Variants in DSCAM observed in about 807,000 individuals in gnomAD.
The protein encoded by DSCAM is DS cell adhesion molecule.
Under a neutral mutation model 217.7 loss-of-function variants are expected in DSCAM, and 47 were observed. The ratio of observed to expected loss-of-function variants is 0.22; its 90% CI spans 0.17 to 0.28. The LOEUF (loss-of-function observed/expected upper bound fraction) is 0.28, where lower values mean the gene tolerates loss of function less well. Among genes scored for constraint, DSCAM ranks in the 10% least tolerant of loss-of-function variants. DSCAM has a pLI of 1.00. For synonymous variants in DSCAM, 1,056 were observed against 1,015.3 expected, an observed-to-expected ratio of 1.04 and a Z score of -0.76; for missense variants, 2,080 against 2,618.3, an observed-to-expected ratio of 0.79 and a Z score of 4.49.
intron 3 of DSCAM, among the ~76,000 whole-genome samples, chr21:40,405,231 G>A (rs1601617537): frequency 1.3e-5 from 2 of 152,204 alleles, no homozygotes; most frequent in East Asian, 3.9e-4. Flanking sequence ...AATGTAACAG[G>A]GTCTTTCATG....
In DSCAM at chr21:40,044,237, C is replaced by A. The variant is rs1568909620; in HGVS notation, c.5224G>T (p.Ala1742Ser). ...CACTGGCTGGCATAGCGGTTTCTCG[C>A]TGTGGGCCCAGCCTTGGCATTCCTC... ...TRRNAKAGPTARNRYASQWTL... is the reference protein window; with the variant it reads ...TRRNAKAGPTSRNRYASQWTL... Residue 1742 changes from alanine to serine, a missense_variant, in exon 31 of 33, where the codon GCG (alanine) becomes TCG (serine). Around this residue, in one of 5 missense-constraint regions of DSCAM, gnomAD observed 1,144 missense variants for 1,421.1 expected, o/e 0.81. Coordinates refer to ENST00000400454, the MANE Select transcript of DSCAM (RefSeq NM_001389.5). The A allele has an allele frequency of 6.2e-7, 1 of 1,614,060 alleles. No individual in the cohort carries two copies. Among genetic ancestry groups the A allele is most frequent in the Admixed American group, 1.7e-5 (1 of 60,004 alleles).
chr21:40,159,565 C>T (rs2090517160), intron 16 of DSCAM, among the ~76,000 whole-genome samples: 1 of 152,140 alleles, frequency 6.6e-6, no homozygotes, highest in Non-Finnish European at 1.5e-5. Context: ...TTACTACCTA[C>T]CCATCTATTT....
At chr21:40,714,528 T>A (rs1267800178) in intron 1 of DSCAM, among the ~76,000 whole-genome samples, 1 of 152,194 alleles carries the variant, frequency 6.6e-6, no homozygotes. Context: ...GGTTTTAGAT[T>A]TACTTGAAAC....
intron 1 of DSCAM, among the ~76,000 whole-genome samples, chr21:40,770,343 C>T (rs2091433673): frequency 6.6e-6 from 1 of 152,160 alleles, no homozygotes. Context: ...ATTGGCATCT[C>T]AGCATCAAAG....
intron 20 of DSCAM, among the ~76,000 whole-genome samples, chr21:40,100,879 C>T (rs979496575): frequency 1.4e-4 from 22 of 152,100 alleles, no homozygotes; most frequent in Admixed American, 3.9e-4. Flanking sequence ...TTAAGACAGA[C>T]GTGTCAGTCA....
intron 3 of DSCAM, among the ~76,000 whole-genome samples, chr21:40,532,197 C>T (rs1240132168): frequency 2.6e-5 from 4 of 152,002 alleles, no homozygotes; most frequent in African/African-American, 9.7e-5. Flanking sequence ...ATACTTTATA[C>T]AAAGAAATTC....
intron 3 of DSCAM, among the ~76,000 whole-genome samples, chr21:40,497,996 G>A (rs990667449): frequency 6.6e-5 from 10 of 152,184 alleles, no homozygotes; most frequent in African/African-American, 2.4e-4. Flanking sequence ...TCAAAGTCTA[G>A]CACATGGTAG....
chr21:40,295,928 G>A, intron 10 of DSCAM, 127 bp downstream of exon 10: 4 of 1,177,006 alleles, frequency 3.4e-6, no homozygotes, highest in Non-Finnish European at 4.7e-6. Flanking sequence ...AGAATGATAG[G>A]CTTGGTGGAA....
chr21:40,100,275 C>T (rs529357179), intron 20 of DSCAM, among the ~76,000 whole-genome samples: 13 of 152,246 alleles, frequency 8.5e-5, no homozygotes, highest in African/African-American at 2.9e-4. Context: ...CAGAAGTTCT[C>T]TCAGTGTAGT....
chr21:40,797,546 G>T (rs1352260087), intron 1 of DSCAM, among the ~76,000 whole-genome samples: 3 of 152,196 alleles, frequency 2.0e-5, no homozygotes, highest in Non-Finnish European at 4.4e-5. Flanking sequence ...TTTCCAAAAT[G>T]TCTGTTAAGA....
At chr21:40,718,146 C>T (rs1448618343) in intron 1 of DSCAM, among the ~76,000 whole-genome samples, 1 of 152,130 alleles carries the variant, frequency 6.6e-6, no homozygotes, top group Non-Finnish European at 1.5e-5. Context: ...TACACTATTA[C>T]AAAGAGAGCC....
chr21:40,117,586 A>T (rs1290440735), intron 20 of DSCAM, among the ~76,000 whole-genome samples: 1 of 152,232 alleles, frequency 6.6e-6, no homozygotes, highest in Non-Finnish European at 1.5e-5. Flanking sequence ...CAGTATTTTT[A>T]AAAATGTGAG....
At chr21:40,752,021 C>T (rs2091234281) in intron 1 of DSCAM, among the ~76,000 whole-genome samples, 1 of 152,116 alleles carries the variant, frequency 6.6e-6, no homozygotes, top group Non-Finnish European at 1.5e-5. Flanking sequence ...AGCTCTATAG[C>T]CCAACTGGAT....
intron 1 of DSCAM, among the ~76,000 whole-genome samples, chr21:40,816,133 T>C (rs907637514): frequency 6.6e-6 from 1 of 152,200 alleles, no homozygotes; most frequent in African/African-American, 2.4e-5. Context: ...GGGGATAACA[T>C]ATTCAATGTG....
intron 3 of DSCAM, among the ~76,000 whole-genome samples, chr21:40,534,460 G>A (rs917799185): frequency 6.6e-6 from 1 of 152,142 alleles, no homozygotes; most frequent in Non-Finnish European, 1.5e-5. Context: ...CACATCTCCA[G>A]GGTAGCTGAA....
Position 40,600,099 on chromosome 21 carries a change from T to C in DSCAM, c.508+92711A>G, listed in dbSNP as rs1374696798. Among the ~76,000 whole-genome samples, 3 of 152,260 alleles carry C rather than the reference T, an allele frequency of 2.0e-5. No individual in the cohort carries two copies. The East Asian group carries it at 5.8e-4, about 29-fold the overall frequency. On this transcript the variant is annotated intron_variant, in intron 3 of 32. Coordinates refer to ENST00000400454, the MANE Select transcript of DSCAM (RefSeq NM_001389.5). ...AAAGGAGGGACTCCTCCCTAACTCA[T>C]TTTATGAGGCCATCATCTCCTGATA... is the stretch of plus-strand genomic sequence containing the variant.
At chr21:40,088,404 C>A (rs1031036385) in intron 21 of DSCAM, among the ~76,000 whole-genome samples, 1 of 152,198 alleles carries the variant, frequency 6.6e-6, no homozygotes, top group East Asian at 1.9e-4. Context: ...GTACCCAGAG[C>A]CAAGTCATTA....
intron 1 of DSCAM, among the ~76,000 whole-genome samples, chr21:40,771,830 T>C (rs1228910216): frequency 2.6e-5 from 4 of 152,250 alleles, no homozygotes; most frequent in African/African-American, 9.6e-5. Flanking sequence ...CACTGGGAAC[T>C]CAACCTAAAA....
chr21:40,658,105 G>A (rs1270574132), intron 3 of DSCAM, among the ~76,000 whole-genome samples: 3 of 152,130 alleles, frequency 2.0e-5, no homozygotes, highest in Non-Finnish European at 2.9e-5. Flanking sequence ...AGGTCCCACA[G>A]AGAACCAGGG....
Sources: allele counts gnomAD v4.1 joint callset (sites outside exome capture counted in the v4.1 genomes callset), GRCh38; gene constraint gnomAD v4.1.1; regional missense constraint gnomAD v4.1.1; transcripts MANE v1.5; gene names NCBI Gene and HGNC (gene_info 2026-07-23, HGNC 2026-07-21).